ZDHHC14: variants seen among roughly 807,000 people sequenced by gnomAD.
The protein encoded by ZDHHC14 is zDHHC palmitoyltransferase 14.
In ZDHHC14, 16 loss-of-function variants were observed where a neutral mutation model predicts 47.7. The observed-to-expected ratio is 0.34, with a 90% CI of 0.23 to 0.51. ZDHHC14 has a LOEUF of 0.51. Ranked by LOEUF, ZDHHC14 falls within the 20% of genes least tolerant of loss-of-function variation. The probability of loss-of-function intolerance (pLI) is 0.97; values close to 1 mark genes in which losing one functional copy is unlikely to be tolerated. For synonymous variants in ZDHHC14, 293 were observed against 278.9 expected, an observed-to-expected ratio of 1.05 and a Z score of -0.50; for missense variants, 515 against 662.5, an observed-to-expected ratio of 0.78 and a Z score of 2.44.
chr6:157,543,346 CA>C (rs1781844891), intron 2 of ZDHHC14, among the ~76,000 whole-genome samples: 3 of 95,496 alleles, frequency 3.1e-5, no homozygotes, highest in Admixed American at 1.0e-4. Flanking sequence ...CAAACTTTTA[CA>C]GTTTTTTTTT....
intron 1 of ZDHHC14, among the ~76,000 whole-genome samples, chr6:157,407,979 A>G (rs1345665178): frequency 6.6e-6 from 1 of 152,152 alleles, no homozygotes; most frequent in Admixed American, 6.5e-5. Context: ...GAAATAAGAA[A>G]CTCTTTGTCC....
intron 1 of ZDHHC14, among the ~76,000 whole-genome samples, chr6:157,384,027 A>T (rs1777265580): frequency 6.6e-6 from 1 of 152,220 alleles, no homozygotes; most frequent in Non-Finnish European, 1.5e-5. Context: ...CATCTCTCTA[A>T]TGGTGAATTT....
At chr6:157,467,480 C>A (rs1410930792) in intron 1 of ZDHHC14, among the ~76,000 whole-genome samples, 2 of 151,732 alleles carry the variant, frequency 1.3e-5, no homozygotes, top group Non-Finnish European at 2.9e-5. Context: ...CAGGGTTTAT[C>A]CATGTTGTAG....
chr6:157,652,637 T>C (rs796432317), intron 7 of ZDHHC14, among the ~76,000 whole-genome samples: 6 of 152,314 alleles, frequency 3.9e-5, no homozygotes, highest in African/African-American at 1.4e-4. Context: ...ACTCAGAAAC[T>C]TGTCTGTGGG....
At chr6:157,468,202 A>G (rs1779266975) in intron 1 of ZDHHC14, among the ~76,000 whole-genome samples, 1 of 152,202 alleles carries the variant, frequency 6.6e-6, no homozygotes, top group Non-Finnish European at 1.5e-5. Flanking sequence ...GCTTCACTGG[A>G]GGGAGCCTCA....
chr6:157,576,230 T>C (rs1033267889), intron 2 of ZDHHC14, among the ~76,000 whole-genome samples: 3 of 152,248 alleles, frequency 2.0e-5, no homozygotes, highest in Non-Finnish European at 4.4e-5. Flanking sequence ...TCTTGAGTCT[T>C]CCTGTGCATA....
At chr6:157,452,690 ATTTTTTTTTTTTTTTTT>A (rs747862336) in intron 1 of ZDHHC14, among the ~76,000 whole-genome samples, 2 of 72,960 alleles carry the variant, frequency 2.7e-5, no homozygotes, top group Non-Finnish European at 4.8e-5. Flanking sequence ...ATACATGGGG[ATTTTTTTTTTTTTTTTT>A]TTTTTTTTTT....
chr6:157,406,733 T>C (rs1401480842), intron 1 of ZDHHC14, among the ~76,000 whole-genome samples: 4 of 152,260 alleles, frequency 2.6e-5, no homozygotes, highest in Non-Finnish European at 5.9e-5. Flanking sequence ...GTCTACAGTG[T>C]AAATGGTGCC....
intron 1 of ZDHHC14, among the ~76,000 whole-genome samples, chr6:157,515,613 G>A (rs1780664450): frequency 1.3e-5 from 2 of 151,732 alleles, no homozygotes; most frequent in African/African-American, 2.4e-5. Flanking sequence ...ACAGGCTCCC[G>A]CCACCACGCC....
chr6:157,509,321 G>A (rs1277854632), intron 1 of ZDHHC14, among the ~76,000 whole-genome samples: 1 of 152,190 alleles, frequency 6.6e-6, no homozygotes, highest in Non-Finnish European at 1.5e-5. Flanking sequence ...CAGATGAGGA[G>A]TCTCAGGGAG....
intron 7 of ZDHHC14, among the ~76,000 whole-genome samples, chr6:157,649,550 G>A (rs1035833539): frequency 7.2e-5 from 11 of 152,166 alleles, no homozygotes; most frequent in South Asian, 2.1e-4. Flanking sequence ...CGGGCATCCC[G>A]GCCAGGCCTA....
intron 1 of ZDHHC14, among the ~76,000 whole-genome samples, chr6:157,418,678 A>G (rs750401396): frequency 2.0e-5 from 3 of 152,208 alleles, no homozygotes; most frequent in Non-Finnish European, 4.4e-5. Flanking sequence ...AATGAAATAC[A>G]GATAGCTATG....
chr6:157,595,174 A>ATTT lies in ZDHHC14; in HGVS notation c.565+2062_565+2064dup, dbSNP rs777568494. Among the ~76,000 whole-genome samples, 5 of 62,716 alleles carry ATTT rather than the reference A, an allele frequency of 8.0e-5. 1 individual carries two copies. Among genetic ancestry groups the ATTT allele is most frequent in the Non-Finnish European group, 1.2e-4 (4 of 34,650 alleles). 41.1% of individuals were successfully genotyped at this position (62,716 alleles called of 152,430 possible). On this transcript the variant is annotated intron_variant, in intron 3 of 8. Transcript: ENST00000359775. ...CCTCTGTTTCTTGTCTCTAGGCTAG[A>ATTT]TTTTTTTTTTTTTTTTTTTTTTTTT...
At chr6:157,451,000 G>T (rs1417674339) in intron 1 of ZDHHC14, among the ~76,000 whole-genome samples, 1 of 103,318 alleles carries the variant, frequency 9.7e-6, no homozygotes, top group Non-Finnish European at 2.3e-5. Context: ...GTCTGGTCTT[G>T]TGTGTGTGTG....
At chr6:157,656,344 C>CTTTTTTTTTTTTTTTTT (rs139902125) in intron 8 of ZDHHC14, among the ~76,000 whole-genome samples, 6 of 150,048 alleles carry the variant, frequency 4.0e-5, no homozygotes, top group African/African-American at 7.4e-5. Flanking sequence ...CTTTTCTTTT[C>CTTTTTTTTTTTTTTTTT]TTTTTTTTGA....
intron 1 of ZDHHC14, among the ~76,000 whole-genome samples, chr6:157,403,308 C>A (rs1777681628): frequency 6.6e-6 from 1 of 152,150 alleles, no homozygotes; most frequent in Admixed American, 6.5e-5. Flanking sequence ...TACGAAATAA[C>A]CTGCTAGGTT....
chr6:157,436,888 C>T (rs1778450246), intron 1 of ZDHHC14, among the ~76,000 whole-genome samples: 1 of 152,088 alleles, frequency 6.6e-6, no homozygotes, highest in Non-Finnish European at 1.5e-5. Flanking sequence ...GGGAGATCAT[C>T]TACGCAGAGC....
intron 3 of ZDHHC14, among the ~76,000 whole-genome samples, chr6:157,622,623 C>T (rs539421310): frequency 2.0e-5 from 3 of 152,160 alleles, no homozygotes; most frequent in East Asian, 1.9e-4. Context: ...CCCACTATCT[C>T]TCTCCTCCCA....
intron 2 of ZDHHC14, among the ~76,000 whole-genome samples, chr6:157,572,030 G>A (rs939967060): frequency 1.3e-5 from 2 of 152,060 alleles, no homozygotes; most frequent in African/African-American, 4.8e-5. Context: ...GGTCGGGGCT[G>A]GGAGGAGACG....
Sources: gnomAD v4.1 joint callset for allele counts (sites outside exome capture counted in the v4.1 genomes callset) on GRCh38, gnomAD v4.1.1 for gene constraint, MANE v1.5 for transcripts, NCBI Gene and HGNC (gene_info 2026-07-23, HGNC 2026-07-21) for gene names.